Variants in PCSK6 observed in about 807,000 individuals in gnomAD.
The protein encoded by PCSK6 is proprotein convertase subtilisin/kexin type 6.
Under a neutral mutation model 123.3 loss-of-function variants are expected in PCSK6, and 85 were observed. The ratio of observed to expected loss-of-function variants is 0.69; its 90% CI spans 0.58 to 0.83. The LOEUF (loss-of-function observed/expected upper bound fraction) is 0.83, where lower values mean the gene tolerates loss of function less well. Ranked by LOEUF, PCSK6 falls within the 40% of genes least tolerant of loss-of-function variation. The pLI is 0.00. For missense variants in PCSK6, 1,191 were observed against 1,282.3 expected (o/e 0.93, Z 1.09); for synonymous variants, 508 against 516.0 (o/e 0.98, Z 0.21).
intron 1 of PCSK6, among the ~76,000 whole-genome samples, chr15:101,484,449 GT>G (rs67623273): frequency 0.036 from 5,435 of 152,248 alleles, 331 homozygotes; most frequent in African/African-American, 0.12. Context: ...GTGCAGTCCT[GT>G]TCATCTCAGC....
chr15:101,383,409 CAAAAAAAAAAA>C (rs35670221), intron 10 of PCSK6, among the ~76,000 whole-genome samples: 2 of 76,506 alleles, frequency 2.6e-5, no homozygotes, highest in Non-Finnish European at 5.1e-5. Context: ...GACTCTGTCT[CAAAAAAAAAAA>C]AAAAAAAAAA....
intron 7 of PCSK6, among the ~76,000 whole-genome samples, chr15:101,396,091 G>A (rs1158136376): frequency 6.6e-6 from 1 of 152,130 alleles, no homozygotes; most frequent in African/African-American, 2.4e-5. Context: ...GATTTTCAGT[G>A]ACAGATCGAG....
intron 1 of PCSK6, among the ~76,000 whole-genome samples, chr15:101,488,589 G>A (rs529868216): frequency 1.3e-5 from 2 of 152,274 alleles, no homozygotes; most frequent in South Asian, 4.1e-4. Context: ...CAACCCAGCG[G>A]TGTAGACATT....
chr15:101,346,322 T>G (rs1237137134), intron 13 of PCSK6: 1 of 152,324 alleles, frequency 6.6e-6, no homozygotes, highest in Non-Finnish European at 1.5e-5. Context: ...GAGAGATGCT[T>G]AAATAAATTA....
chr15:101,374,036 C>T (rs768706914), intron 11 of PCSK6, among the ~76,000 whole-genome samples: 14 of 152,182 alleles, frequency 9.2e-5, no homozygotes, highest in Non-Finnish European at 1.9e-4. Flanking sequence ...TCCCGCAAAA[C>T]CTGCCTGGAG....
intron 9 of PCSK6, among the ~76,000 whole-genome samples, chr15:101,388,192 G>C (rs572982767): frequency 3.1e-4 from 47 of 152,342 alleles, no homozygotes; most frequent in Non-Finnish European, 5.0e-4. Flanking sequence ...TTTTTAAAAA[G>C]AGCCTCAGGA....
chr15:101,463,198 T>C (rs1055297654), intron 1 of PCSK6: 1 of 440,338 alleles, frequency 2.3e-6, no homozygotes, highest in Admixed American at 2.5e-5. Context: ...CTTTGCCCTC[T>C]GACTGTGGGT....
chr15:101,388,957 GTCT>G, intron 9 of PCSK6, among the ~76,000 whole-genome samples: 1 of 152,174 alleles, frequency 6.6e-6, no homozygotes, highest in Admixed American at 6.5e-5. Flanking sequence ...ATTCATCGAA[GTCT>G]TAGGCCCCAG....
intron 3 of PCSK6, 144 bp from the exon 4 acceptor site, chr15:101,431,607 T>C: frequency 1.0e-6 from 1 of 957,958 alleles, no homozygotes; most frequent in Non-Finnish European, 1.6e-6. Flanking sequence ...ATAGCAGAGC[T>C]CCTCTTTCCC....
intron 1 of PCSK6, among the ~76,000 whole-genome samples, chr15:101,478,673 C>T (rs548452807): frequency 6.6e-6 from 1 of 152,318 alleles, no homozygotes; most frequent in African/African-American, 2.4e-5. Context: ...CTCGGAGTAG[C>T]CACGTGGCAC....
intron 1 of PCSK6, among the ~76,000 whole-genome samples, chr15:101,482,479 C>T (rs2057913173): frequency 6.6e-6 from 1 of 152,202 alleles, no homozygotes; most frequent in Admixed American, 6.5e-5. Flanking sequence ...CCTGGCTGAG[C>T]TGCAGAAGAT....
rs997191153 is a variant in PCSK6 at position 101,409,348 on chromosome 15, G to A, written c.824-10772C>T. 4.6e-5 allele frequency among the ~76,000 whole-genome samples: 7 copies of A among 151,962 alleles called. 1 individual carries two copies. Among genetic ancestry groups the A allele is most frequent in the Middle Eastern group, 6.8e-3 (2 of 294 alleles). On this transcript the variant is annotated intron_variant, in intron 6 of 21. Transcript: ENST00000611716. ...CGCCTGTAATCCCAGCACTTTGGGC[G>A]GCCGAGGCGGGCGGATCACGAGGTC...
At chr15:101,360,655 A>G (rs1226071722) in intron 13 of PCSK6, among the ~76,000 whole-genome samples, 1 of 123,188 alleles carries the variant, frequency 8.1e-6, no homozygotes, top group Non-Finnish European at 1.7e-5. Context: ...CCTGGAACAC[A>G]CCAGGCACAC....
chr15:101,325,096 C>A (rs750264763), intron 16 of PCSK6, 50 bp from the exon 17 acceptor site: 6 of 1,390,020 alleles, frequency 4.3e-6, no homozygotes, highest in South Asian at 1.3e-5. Flanking sequence ...CCAGCCCCAG[C>A]CCCAGGCCTG....
chr15:101,476,535 A>AAC (rs34961152), intron 1 of PCSK6, among the ~76,000 whole-genome samples: 1 of 151,366 alleles, frequency 6.6e-6, no homozygotes, highest in Non-Finnish European at 1.5e-5. Flanking sequence ...AAAAAAAAAA[A>AAC]CATGTTTAGT....
intron 1 of PCSK6, among the ~76,000 whole-genome samples, chr15:101,470,820 G>C (rs144161327): frequency 6.6e-6 from 1 of 152,288 alleles, no homozygotes; most frequent in East Asian, 1.9e-4. Flanking sequence ...GACATAGGAC[G>C]CCTGTCCGTT....
At position 101,389,336 on chromosome 15, in the gene PCSK6, C is replaced by T. The variant is rs115212528; in HGVS notation, c.1310+128G>A. On this transcript the variant is annotated intron_variant, in intron 9 of 21. Coordinates refer to ENST00000611716, the MANE Select transcript of PCSK6 (RefSeq NM_002570.5). Reference sequence around the variant, plus strand: ...GGAGAGGGATGGTGGTGCAGGTGCACGACTCACTGAATGTGCTTAATGCCG... The same window carrying T: ...GGAGAGGGATGGTGGTGCAGGTGCATGACTCACTGAATGTGCTTAATGCCG... The T allele has an allele frequency of 2.8e-3, 2,021 of 714,662 alleles. 33 individuals carry two copies. In the African/African-American group the frequency reaches 0.031, roughly 11 times the overall value. 44.3% of individuals were successfully genotyped at this position (714,662 alleles called of 1,614,324 possible).
chr15:101,481,755 C>T (rs1037547969), intron 1 of PCSK6, among the ~76,000 whole-genome samples: 29 of 152,106 alleles, frequency 1.9e-4, no homozygotes, highest in African/African-American at 5.8e-4. Context: ...GGGACCCACA[C>T]GAGGAGGAGG....
At chr15:101,482,041 C>T (rs922722815) in intron 1 of PCSK6, among the ~76,000 whole-genome samples, 4 of 152,220 alleles carry the variant, frequency 2.6e-5, no homozygotes, top group Admixed American at 6.5e-5. Flanking sequence ...GGAGAAACGG[C>T]GGCTGGTGGG....
Sources: allele counts gnomAD v4.1 joint callset (sites outside exome capture counted in the v4.1 genomes callset), GRCh38; gene constraint gnomAD v4.1.1; transcripts MANE v1.5; gene names NCBI Gene and HGNC (gene_info 2026-07-23, HGNC 2026-07-21).